The following PLEKHG4 variants were observed in gnomAD, a reference collection of about 807,000 sequenced individuals.
The protein encoded by PLEKHG4 is pleckstrin homology and RhoGEF domain containing G4, also known as puratrophin-1.
A neutral mutation model predicts 136.9 loss-of-function variants in PLEKHG4; 85 were observed. The observed-to-expected ratio is 0.62, with a 90% CI of 0.52 to 0.74. The LOEUF (loss-of-function observed/expected upper bound fraction) is 0.74. Among genes scored for constraint, PLEKHG4 ranks in the 30% least tolerant of loss-of-function variants. The pLI, the probability that PLEKHG4 is intolerant of heterozygous loss-of-function variation, is 0.00. For missense variants in PLEKHG4, 1,317 were observed against 1,527.8 expected, an observed-to-expected ratio of 0.86 and a Z score of 2.30; for synonymous variants, 577 against 646.9, an observed-to-expected ratio of 0.89 and a Z score of 1.64.
chr16:67,281,735 G>A lies in PLEKHG4; in HGVS notation c.903G>A (p.Leu301=), dbSNP rs2036236410. The A allele has an allele frequency of 6.2e-7, 1 of 1,614,096 alleles. No homozygotes were observed. Among genetic ancestry groups the A allele is most frequent in the Non-Finnish European group, 8.5e-7 (1 of 1,180,002 alleles). ...TTCTTCTCCTGTAGCTGGAGCAGTTGCCTTCTCAGAGCCTGCTGACCCACA... is the reference window on the plus strand; with the variant it reads ...TTCTTCTCCTGTAGCTGGAGCAGTTACCTTCTCAGAGCCTGCTGACCCACA... The part of the protein sequence containing the change: ...EVPSGLQLEQ[L]PSQSLLTHIP... Residue 301 remains leucine (L), a synonymous_variant, in exon 7 of 22, where the codon TTG becomes TTA. Transcript: ENST00000379344.
rs1567438385 is a variant in PLEKHG4 at position 67,285,108 on chromosome 16, G to GGCCA, written c.2089_2092dup (p.Thr698SerfsTer30). ...AACCTGCCTGCCACTGCCACCATGC[G>GGCCA]GCCACTATTGCTGCCTGCCGCAGAC... On this transcript the variant is annotated frameshift_variant, in exon 13 of 22. Coordinates refer to ENST00000379344, the MANE Select transcript of PLEKHG4 (RefSeq NM_001129729.3). LOFTEE classifies it high-confidence loss of function. 1 of 1,613,308 alleles carries GGCCA rather than the reference G, an allele frequency of 6.2e-7. No individual in the cohort carries two copies.
At position 67,286,601 on chromosome 16, in the gene PLEKHG4, C is replaced by T; in HGVS notation, c.2689C>T (p.Leu897Phe). The T allele has an allele frequency of 1.3e-6, 2 of 1,561,088 alleles. No homozygotes were observed. The highest frequency in any genetic ancestry group is 1.7e-6 in the Non-Finnish European group (2 of 1,151,962). Residue 897 changes from leucine (L) to phenylalanine (F), a missense_variant, in exon 16 of 22, where the codon CTT (leucine) becomes TTT (phenylalanine). Physicochemically the swap from Leu to Phe is conservative, Grantham distance 22. Transcript: ENST00000379344. ...CAGTGCGCTGCGGGAGGCCCAGAGC[C>T]TTGTGCACTTCCAGCTGCGGCACGG... ...ELSALREAQS[L>F]VHFQLRHGND...
chr16:67,281,652 G>C lies in PLEKHG4; in HGVS notation c.891+8G>C. ...GTGCCTTCCGGGCTGCAGGTACTAA[G>C]CCCAGTTGGCTAGGGGTAGAGGTGG... On this transcript the variant is annotated splice_region_variant and intron_variant, in intron 6 of 21. Coordinates refer to ENST00000379344, the MANE Select transcript of PLEKHG4 (RefSeq NM_001129729.3). The C allele has an allele frequency of 6.2e-7, 1 of 1,613,966 alleles. No homozygotes were observed. Among genetic ancestry groups the C allele is most frequent in the Non-Finnish European group, 8.5e-7 (1 of 1,179,882 alleles).
In PLEKHG4 at chr16:67,281,178, A is replaced by T. The variant is rs763633832; in HGVS notation, c.807A>T (p.Gln269His). The change falls in exon 5 of 22, where the codon CAA (glutamine) becomes CAT (histidine). Residue 269 changes from glutamine (Q) to histidine (H), a missense_variant. Gln to His is a conservative substitution (Grantham distance 24). Coordinates refer to ENST00000379344, the MANE Select transcript of PLEKHG4 (RefSeq NM_001129729.3). ...PSSSLFSGLS[Q>H]LQEAAPGAVY... Reference sequence around the variant, plus strand: ...CTTCCCTCTTCTCTGGGCTCAGCCAACTACAAGTGAGTACAGGATTGTAGC... The same window carrying T: ...CTTCCCTCTTCTCTGGGCTCAGCCATCTACAAGTGAGTACAGGATTGTAGC... 6.2e-7 allele frequency: 1 copy of T among 1,608,740 alleles called. No homozygotes were observed.
Position 67,288,959 on chromosome 16 carries a change from G to C in PLEKHG4, c.*151G>C, listed in dbSNP as rs1361345814. ...TTGACTACCCTTTCTGATGTGTGTG[G>C]CCATTGGACTAACTGGCACGGGGCC... On this transcript the variant is annotated 3_prime_UTR_variant, in exon 22 of 22. Coordinates refer to ENST00000379344, the MANE Select transcript of PLEKHG4 (RefSeq NM_001129729.3). 2.2e-6 allele frequency: 2 copies of C among 891,512 alleles called. No individual in the cohort carries two copies. The highest frequency in any genetic ancestry group is 3.7e-6 in the Non-Finnish European group (2 of 547,292). The allele number at this position is 891,512 out of a possible 1,614,324, so 55.2% of individuals were successfully genotyped here.
At chr16:67,286,231 A>G (rs574852844) in intron 14 of PLEKHG4, 43 bp from the exon 15 acceptor site, 1 of 1,405,470 alleles carries the variant, frequency 7.1e-7, no homozygotes, top group Admixed American at 1.7e-5. Flanking sequence ...AGCCTTAGGG[A>G]GCTGGCCCCT....
Position 67,287,056 on chromosome 16 carries a change from C to G in PLEKHG4, c.2982C>G (p.Ile994Met). The G allele has an allele frequency of 6.2e-7, 1 of 1,613,510 alleles. No individual in the cohort carries two copies. The highest frequency in any genetic ancestry group is 1.3e-5 in the African/African-American group (1 of 75,074). The part of the protein sequence containing the change: ...CCGNSNLRFE[I>M]WFRRRKARDT... ...GGAACAGCAACCTGCGCTTCGAGAT[C>G]TGGTTCCGCCGCCGCAAGGCCAGGG... The change falls in exon 18 of 22, where the codon ATC becomes ATG. Residue 994 changes from isoleucine to methionine, a missense_variant. Transcript: ENST00000379344.
intron 5 of PLEKHG4, 26 bp from the exon 6 acceptor site, chr16:67,281,541 T>A (rs1455885828): frequency 1.3e-6 from 2 of 1,597,330 alleles, no homozygotes; most frequent in East Asian, 4.5e-5. Flanking sequence ...GAGTTGGGGA[T>A]AGTGCTGAGC....
At position 67,279,987 on chromosome 16, in the gene PLEKHG4, C is replaced by CA; in HGVS notation, c.-57dup. 1 of 1,577,276 alleles carries CA rather than the reference C, an allele frequency of 6.3e-7. No individual in the cohort carries two copies. The highest frequency in any genetic ancestry group is 2.3e-5 in the East Asian group (1 of 43,800). On this transcript the variant is annotated 5_prime_UTR_variant, in exon 2 of 22. Coordinates refer to ENST00000379344, the MANE Select transcript of PLEKHG4 (RefSeq NM_001129729.3). ...ACTCGACTGTCTTCAGCGCGGTTCA[C>CA]ACTGAGACCCAGCCCTCTCCCGCTG...
Position 67,288,837 on chromosome 16 carries a change from G to T in PLEKHG4, c.*29G>T, listed in dbSNP as rs747305472. The stretch of plus-strand genomic sequence containing the variant: ...CGGGACTGGACGAGCAGTAGATCCA[G>T]CAGCCTGCAGCTCCAAGGAACATTG... On this transcript the variant is annotated 3_prime_UTR_variant, in exon 22 of 22. Coordinates refer to ENST00000379344, the MANE Select transcript of PLEKHG4 (RefSeq NM_001129729.3). 1.2e-6 allele frequency: 2 copies of T among 1,612,302 alleles called. No individual in the cohort carries two copies. Among genetic ancestry groups the T allele is most frequent in the Non-Finnish European group, 1.7e-6 (2 of 1,179,156 alleles).
At position 67,279,999 on chromosome 16, in the gene PLEKHG4, G is replaced by A. The variant is rs1415889193; in HGVS notation, c.-46G>A. The stretch of plus-strand genomic sequence containing the variant: ...TCAGCGCGGTTCACACTGAGACCCA[G>A]CCCTCTCCCGCTGGCCCCGAGCAGG... On this transcript the variant is annotated 5_prime_UTR_variant, in exon 2 of 22. Transcript: ENST00000379344. 1 of 1,597,494 alleles carries A rather than the reference G, an allele frequency of 6.3e-7. No homozygotes were observed. The highest frequency in any genetic ancestry group is 1.3e-5 in the African/African-American group (1 of 74,644).
Position 67,282,566 on chromosome 16 carries a change from C to T in PLEKHG4, c.1317C>T (p.Thr439=). ...DRVDGLLHQL[T]LQSNQRIQAL... Reference sequence around the variant, plus strand: ...TGGATGGATTGCTGCACCAACTGACCCTGCAGAGCAACCAGCGAATACAGG... The same window carrying T: ...TGGATGGATTGCTGCACCAACTGACTCTGCAGAGCAACCAGCGAATACAGG... Residue 439 remains threonine (T), a synonymous_variant, in exon 10 of 22, where the codon ACC becomes ACT. Coordinates refer to ENST00000379344, the MANE Select transcript of PLEKHG4 (RefSeq NM_001129729.3). 1 of 1,614,128 alleles carries T rather than the reference C, an allele frequency of 6.2e-7. No individual in the cohort carries two copies. Among genetic ancestry groups the T allele is most frequent in the Non-Finnish European group, 8.5e-7 (1 of 1,180,036 alleles).
chr16:67,278,575 C>T (rs1032389952), upstream of PLEKHG4: 2 of 152,216 alleles, frequency 1.3e-5, no homozygotes, highest in Non-Finnish European at 2.9e-5. Flanking sequence ...CACAGCTACC[C>T]ACTTGGGTAG....
Position 67,284,429 on chromosome 16 carries a change from C to A in PLEKHG4, c.1664C>A (p.Ala555Asp), listed in dbSNP as rs374653053. 3 of 1,613,908 alleles carry A rather than the reference C, an allele frequency of 1.9e-6. No individual in the cohort carries two copies. The highest frequency in any genetic ancestry group is 1.7e-5 in the Admixed American group (1 of 60,002). Residue 555 changes from alanine to aspartate, a missense_variant, in exon 12 of 22, where the codon GCT becomes GAT. Ala to Asp is a moderately radical substitution (Grantham distance 126, BLOSUM62 -2). Coordinates refer to ENST00000379344, the MANE Select transcript of PLEKHG4 (RefSeq NM_001129729.3). The surrounding 1 kb of genome is among the most constrained non-coding windows in gnomAD (Gnocchi z 4.4). ...CAGCGGTGCCAGCGGCTGGCGGATG[C>A]TGAGAGGCTGTTTCAGCTCTTCAGG... ...LAQRCQRLAD[A>D]ERLFQLFREA...
At position 67,284,597 on chromosome 16, in the gene PLEKHG4, A is replaced by C; in HGVS notation, c.1693-116A>C. On this transcript the variant is annotated intron_variant, in intron 12 of 21. Coordinates refer to ENST00000379344, the MANE Select transcript of PLEKHG4 (RefSeq NM_001129729.3). This position sits in a 1 kb window ranked among gnomAD's most constrained non-coding sequence, Gnocchi z 4.4. ...TTCAGTTTGACCCTAAAACCCAGTC[A>C]CTGGGGCTGTGTCCTGGACAGCATC... 1 of 1,481,282 alleles carries C rather than the reference A, an allele frequency of 6.8e-7. No individual in the cohort carries two copies. Among genetic ancestry groups the C allele is most frequent in the Non-Finnish European group, 9.3e-7 (1 of 1,077,940 alleles). 91.8% of individuals were successfully genotyped at this position (1,481,282 alleles called of 1,614,324 possible).
rs940032613 is a variant in PLEKHG4, at chr16:67,286,873, A to G, written c.2879A>G (p.His960Arg). The change falls in exon 17 of 22, where the codon CAT (histidine) becomes CGT (arginine). Residue 960 changes from histidine to arginine, a missense_variant. By Grantham distance (29) the His-to-Arg change is conservative. Coordinates refer to ENST00000379344, the MANE Select transcript of PLEKHG4 (RefSeq NM_001129729.3). ...EELLLFSKPR[H>R]GPTGVDTFAY... Reference sequence around the variant, plus strand: ...CTGCTGCTCTTCAGCAAGCCTCGCCATGGGCCCACAGGGGTTGACACATTT... The same window carrying G: ...CTGCTGCTCTTCAGCAAGCCTCGCCGTGGGCCCACAGGGGTTGACACATTT... The G allele has an allele frequency of 6.2e-7, 1 of 1,614,098 alleles. No homozygotes were observed. The highest frequency in any genetic ancestry group is 8.5e-7 in the Non-Finnish European group (1 of 1,179,998).
rs1351198912 is a variant in PLEKHG4, at chr16:67,280,476, G to A, written c.432G>A (p.Gly144=). The change falls in exon 2 of 22, where the codon GGG becomes GGA. Residue 144 remains glycine, a synonymous_variant. Transcript: ENST00000379344. This position sits in a 1 kb window ranked among gnomAD's most constrained non-coding sequence, Gnocchi z 4.4. ...SRAMPSGLSP[G]ALDSDPVGLG... Reference sequence around the variant, plus strand: ...CGATGCCATCTGGCTTGAGCCCTGGGGCATTGGACAGCGACCCTGTGGGCC... The same window carrying A: ...CGATGCCATCTGGCTTGAGCCCTGGAGCATTGGACAGCGACCCTGTGGGCC... The A allele has an allele frequency of 6.2e-7, 1 of 1,604,598 alleles. No homozygotes were observed. Among genetic ancestry groups the A allele is most frequent in the Admixed American group, 1.7e-5 (1 of 59,146 alleles).
rs1221260365 is a variant in PLEKHG4 at position 67,284,298 on chromosome 16, G to A, written c.1533G>A (p.Lys511=). 3 of 1,613,992 alleles carry A rather than the reference G, an allele frequency of 1.9e-6. No individual in the cohort carries two copies. In the South Asian group the frequency reaches 3.3e-5, roughly 18 times the overall value. Residue 511 remains lysine, a synonymous_variant, in exon 12 of 22, where the codon AAG becomes AAA. Transcript: ENST00000379344. The surrounding 1 kb of genome is among the most constrained non-coding windows in gnomAD (Gnocchi z 4.4). ...VAQEQVRQGE[K]FLQPLTGWEA... is the part of the protein sequence containing the mutation. The stretch of plus-strand genomic sequence containing the variant: ...AGGAGCAGGTCAGGCAAGGGGAGAA[G>A]TTTCTGCAGCCGCTGACTGGCTGGG...
rs2036507981 is a variant in PLEKHG4, at chr16:67,287,060, T to G, written c.2986T>G (p.Phe996Val). The G allele has an allele frequency of 6.2e-7, 1 of 1,613,326 alleles. No homozygotes were observed. Among genetic ancestry groups the G allele is most frequent in the Non-Finnish European group, 8.5e-7 (1 of 1,180,026 alleles). The change falls in exon 18 of 22, where the codon TTC becomes GTC. Residue 996 changes from phenylalanine to valine, a missense_variant. By Grantham distance (50) the Phe-to-Val change is conservative (BLOSUM62 -1). Transcript: ENST00000379344. The part of the protein sequence containing the change: ...GNSNLRFEIW[F>V]RRRKARDTFV... ...CAGCAACCTGCGCTTCGAGATCTGG[T>G]TCCGCCGCCGCAAGGCCAGGGACAC...
Sources: allele counts gnomAD v4.1 joint callset, GRCh38; gene constraint gnomAD v4.1.1; non-coding constraint Gnocchi (gnomAD v3.1); transcripts MANE v1.5; gene names NCBI Gene and HGNC (gene_info 2026-07-23, HGNC 2026-07-21).